Variants in KIAA1217 observed in about 807,000 individuals in gnomAD.
The protein encoded by KIAA1217 is sickle tail protein homolog.
KIAA1217 carries 88 observed loss-of-function variants against 163.9 expected under a neutral mutation model. The observed-to-expected ratio is 0.54, with a 90% CI of 0.45 to 0.64. The LOEUF (loss-of-function observed/expected upper bound fraction) is 0.64. Ranked by LOEUF, KIAA1217 falls within the 30% of genes least tolerant of loss-of-function variation. The pLI is 0.00. For missense variants in KIAA1217, 2,372 were observed against 2,475.0 expected (o/e 0.96, Z 0.88); for synonymous variants, 903 against 923.1 (o/e 0.98, Z 0.39).
At chr10:24,091,788 C>G (rs899823278) in intron 2 of KIAA1217, among the ~76,000 whole-genome samples, 1 of 151,778 alleles carries the variant, frequency 6.6e-6, no homozygotes, top group Non-Finnish European at 1.5e-5. Flanking sequence ...TCTACTGACA[C>G]CCCCAAAACC....
chr10:23,895,900 C>G (rs1318636000), intron 1 of KIAA1217, among the ~76,000 whole-genome samples: 1 of 149,246 alleles, frequency 6.7e-6, no homozygotes. Context: ...GAACAAAAAA[C>G]CAAACACCGC....
At chr10:24,430,503 A>G (rs1343309369) in intron 3 of KIAA1217, among the ~76,000 whole-genome samples, 1 of 152,144 alleles carries the variant, frequency 6.6e-6, no homozygotes, top group Non-Finnish European at 1.5e-5. Context: ...AACGCATTAC[A>G]TTTAGCATGC....
chr10:24,247,548 G>A (rs2073963801), intron 2 of KIAA1217, among the ~76,000 whole-genome samples: 1 of 152,218 alleles, frequency 6.6e-6, no homozygotes, highest in Non-Finnish European at 1.5e-5. Flanking sequence ...TGTAATCCCA[G>A]CACTTTGGGA....
At chr10:24,114,761 C>G (rs2062985843) in intron 2 of KIAA1217, among the ~76,000 whole-genome samples, 1 of 152,216 alleles carries the variant, frequency 6.6e-6, no homozygotes, top group East Asian at 1.9e-4. Context: ...AGATTATTTC[C>G]ATAGTTTTGC....
rs764201102 is a variant in KIAA1217, at chr10:24,209,192, C to T, written c.-2C>T. The T allele has an allele frequency of 5.6e-6, 9 of 1,613,600 alleles. No individual in the cohort carries two copies. In the Admixed American group the frequency reaches 1.3e-4, roughly 24 times the overall value. ...GAGGAGCTTTTGCGGCAGGCAGAGACAATGGAAGAAAATGAAAGCCAGAAA... is the reference window on the plus strand; with the variant it reads ...GAGGAGCTTTTGCGGCAGGCAGAGATAATGGAAGAAAATGAAAGCCAGAAA... On this transcript the variant is annotated 5_prime_UTR_variant, in exon 1 of 21. Coordinates refer to ENST00000376454, the MANE Select transcript of KIAA1217 (RefSeq NM_019590.5).
chr10:24,495,085 T>TA (rs71506836), intron 7 of KIAA1217, 62 bp from the exon 8 acceptor site: 56,413 of 1,219,812 alleles, frequency 0.046, 30 homozygotes, highest in Non-Finnish European at 0.051. Flanking sequence ...GAATGGGCTT[T>TA]AAAAAAAAAA....
chr10:24,243,908 A>G (rs2073439936), intron 2 of KIAA1217, among the ~76,000 whole-genome samples: 1 of 152,098 alleles, frequency 6.6e-6, no homozygotes, highest in Non-Finnish European at 1.5e-5. Context: ...ATTATCTTTG[A>G]TCAATAAGTA....
At chr10:23,829,727 T>G (rs933593455) in intron 1 of KIAA1217, among the ~76,000 whole-genome samples, 2 of 152,212 alleles carry the variant, frequency 1.3e-5, no homozygotes, top group African/African-American at 4.8e-5. Context: ...CTGCCTTCTG[T>G]GTACTCAGTA....
intron 1 of KIAA1217, among the ~76,000 whole-genome samples, chr10:23,774,232 T>TTCATATACA (rs1322986650): frequency 6.6e-6 from 1 of 152,232 alleles, no homozygotes; most frequent in African/African-American, 2.4e-5. Flanking sequence ...TCACTTTCCC[T>TTCATATACA]GTGAAAACAC....
intron 10 of KIAA1217, 117 bp downstream of exon 10, chr10:24,513,551 G>C: frequency 1.1e-6 from 1 of 932,664 alleles, no homozygotes; most frequent in Non-Finnish European, 1.6e-6. Flanking sequence ...AGCACCTACT[G>C]TGTAAAAGTT....
At chr10:24,383,987 C>T (rs781423763) in intron 3 of KIAA1217, among the ~76,000 whole-genome samples, 6 of 152,312 alleles carry the variant, frequency 3.9e-5, no homozygotes, top group South Asian at 2.1e-4. Context: ...AACACACAGA[C>T]GCACGGGTTC....
chr10:24,427,216 C>A (rs1381189687), intron 3 of KIAA1217, among the ~76,000 whole-genome samples: 2 of 150,600 alleles, frequency 1.3e-5, no homozygotes, highest in African/African-American at 4.9e-5. Context: ...CCACCCCACA[C>A]CCCCATCCAG....
At chr10:24,302,311 TC>T (rs1174914205) in intron 2 of KIAA1217, among the ~76,000 whole-genome samples, 1 of 152,116 alleles carries the variant, frequency 6.6e-6, no homozygotes, top group Non-Finnish European at 1.5e-5. Context: ...AAGGAGTGAA[TC>T]CCTGGGTTGG....
chr10:24,458,564 T>C (rs2062036345), intron 5 of KIAA1217, among the ~76,000 whole-genome samples: 1 of 152,168 alleles, frequency 6.6e-6, no homozygotes, highest in South Asian at 2.1e-4. Context: ...AACACTAGAA[T>C]GCAAGATTAT....
chr10:24,497,771 G>A (rs146829936), intron 8 of KIAA1217, among the ~76,000 whole-genome samples: 1 of 150,162 alleles, frequency 6.7e-6, no homozygotes, highest in East Asian at 2.0e-4. Context: ...TGAGTAGATA[G>A]TGGTGCCACT....
In KIAA1217 at chr10:24,436,757, CAAAAAAAAAA is replaced by C. The variant is rs10560676; in HGVS notation, c.753-1611_753-1602del. 4.3e-3 allele frequency among the ~76,000 whole-genome samples: 307 copies of C among 70,890 alleles called. 4 individuals carry two copies. The highest frequency in any genetic ancestry group is 0.016 in the African/African-American group (287 of 17,462). 46.5% of individuals were successfully genotyped at this position (70,890 alleles called of 152,430 possible). A position where few individuals can be genotyped will look rare whatever the true frequency, so the allele number is the denominator to read the frequency against. ...TGGGCGACAGAGTGAGACTCCGTCT[CAAAAAAAAAA>C]AAAAAAAAAAAAAAAAAGACAAAAG... On this transcript the variant is annotated intron_variant, in intron 4 of 20. Transcript: ENST00000376454.
At chr10:24,298,094 A>G (rs2040835526) in intron 2 of KIAA1217, among the ~76,000 whole-genome samples, 1 of 152,182 alleles carries the variant, frequency 6.6e-6, no homozygotes, top group Non-Finnish European at 1.5e-5. Context: ...TAAATTTTTC[A>G]GGAATGCAAT....
At chr10:23,802,238 G>A (rs566438362) in intron 1 of KIAA1217, among the ~76,000 whole-genome samples, 1 of 152,158 alleles carries the variant, frequency 6.6e-6, no homozygotes, top group Non-Finnish European at 1.5e-5. Context: ...TAAGTGAGTG[G>A]TCACTCTCAC....
At chr10:23,767,946 G>A (rs1266205727) in intron 1 of KIAA1217, among the ~76,000 whole-genome samples, 7 of 152,152 alleles carry the variant, frequency 4.6e-5, no homozygotes, top group Admixed American at 6.5e-5. Flanking sequence ...GGCAGTACAC[G>A]CTGGGTCTTC....
Sources: allele counts gnomAD v4.1 joint callset (sites outside exome capture counted in the v4.1 genomes callset), GRCh38; gene constraint gnomAD v4.1.1; transcripts MANE v1.5; gene names NCBI Gene and HGNC (gene_info 2026-07-23, HGNC 2026-07-21).